OR6J1: variants seen among roughly 807,000 people sequenced by gnomAD.
The protein encoded by OR6J1 is olfactory receptor family 6 subfamily J member 1.
For missense variants in OR6J1, 304 were observed against 166.8 expected (o/e 1.82, Z -4.53); for synonymous variants, 109 against 70.0 (o/e 1.56, Z -2.78).
At chr14:22,642,509 T>C (rs2037660336) in intron 1 of OR6J1, among the ~76,000 whole-genome samples, 1 of 151,290 alleles carries the variant, frequency 6.6e-6, no homozygotes, top group African/African-American at 2.4e-5. Flanking sequence ...CCAGCTAATT[T>C]TTGTATTTGT....
At chr14:22,639,123 C>G (rs2037620985) in intron 1 of OR6J1, among the ~76,000 whole-genome samples, 2 of 89,826 alleles carry the variant, frequency 2.2e-5, no homozygotes, top group African/African-American at 1.6e-4. Context: ...GCCCCTCCGC[C>G]CGGCAGCTGC....
Position 22,637,046 on chromosome 14 carries a change from G to A in OR6J1, c.-27-2208C>T. On this transcript the variant is annotated intron_variant, in intron 1 of 1. Coordinates refer to ENST00000540461, the MANE Select transcript of OR6J1 (RefSeq NM_001348233.2). The stretch of plus-strand genomic sequence containing the variant: ...CCGGCCGCCCATGTCTGAGATGTGG[G>A]GAGCACCTCTGCCCCGCCGCCCTGT... Among the ~76,000 whole-genome samples, 2 of 123,252 alleles carry A rather than the reference G, an allele frequency of 1.6e-5. 1 individual carries two copies. The highest frequency in any genetic ancestry group is 4.1e-4 in the East Asian group (2 of 4,860). The allele number at this position is 123,252 out of a possible 152,430, so 80.9% of individuals were successfully genotyped here.
rs1193824699 is a variant in OR6J1 at position 22,644,310 on chromosome 14, G to C, written c.-240C>G. 1 of 152,230 alleles carries C rather than the reference G, an allele frequency of 6.6e-6. No individual in the cohort carries two copies. The highest frequency in any genetic ancestry group is 1.9e-4 in the East Asian group (1 of 5,208). 9.4% of individuals were successfully genotyped at this position (152,230 alleles called of 1,614,324 possible). A position where few individuals can be genotyped will look rare whatever the true frequency, so the allele number is the denominator to read the frequency against. ...CCTCTTGTCCGACGAGCATGCACTT[G>C]TGTTGTAGACAGCTGGAAGGTACAT... On this transcript the variant is annotated 5_prime_UTR_variant, in exon 1 of 2. Transcript: ENST00000540461.
rs1460274157 is a variant in OR6J1, at chr14:22,632,788, A to T, written c.*980T>A. 1.3e-5 allele frequency: 2 copies of T among 152,266 alleles called. No homozygotes were observed. The highest frequency in any genetic ancestry group is 2.9e-5 in the Non-Finnish European group (2 of 68,068). The allele number at this position is 152,266 out of a possible 1,614,324, so 9.4% of individuals were successfully genotyped here. ...TCAAAATTCTACCAGCTCCAGCCCT[A>T]GGAAGTCATGAGAGAAGAGGGCTCT... On this transcript the variant is annotated 3_prime_UTR_variant, in exon 2 of 2. Coordinates refer to ENST00000540461, the MANE Select transcript of OR6J1 (RefSeq NM_001348233.2).
intron 1 of OR6J1, among the ~76,000 whole-genome samples, chr14:22,640,189 G>A (rs2037632511): frequency 7.4e-6 from 1 of 134,926 alleles, no homozygotes; most frequent in African/African-American, 2.7e-5. Context: ...GGGAGAGGGG[G>A]AGGGAGGGAA....
At position 22,638,580 on chromosome 14, in the gene OR6J1, C is replaced by T. The variant is rs2139295432; in HGVS notation, c.-27-3742G>A. ...CTTTGTTCACTTGTTTATCTGCTGACCTTCCCTCCACTATTGTCCTATGAC... is the reference window on the plus strand; with the variant it reads ...CTTTGTTCACTTGTTTATCTGCTGATCTTCCCTCCACTATTGTCCTATGAC... On this transcript the variant is annotated intron_variant, in intron 1 of 1. Transcript: ENST00000540461. 2.4e-5 allele frequency among the ~76,000 whole-genome samples: 2 copies of T among 83,444 alleles called. 1 individual carries two copies. The highest frequency in any genetic ancestry group is 8.7e-3 in the Middle Eastern group (2 of 230). The allele number at this position is 83,444 out of a possible 152,430, so 54.7% of individuals were successfully genotyped here. A position where few individuals can be genotyped will look rare whatever the true frequency, so the allele number is the denominator to read the frequency against.
intron 1 of OR6J1, among the ~76,000 whole-genome samples, chr14:22,642,488 T>C (rs573493479): frequency 1.3e-5 from 2 of 151,312 alleles, no homozygotes; most frequent in East Asian, 2.0e-4. Flanking sequence ...TACAGGCGTG[T>C]GCCACCATGC....
At chr14:22,637,758 A>G (rs1244562997) in intron 1 of OR6J1, among the ~76,000 whole-genome samples, 1 of 67,180 alleles carries the variant, frequency 1.5e-5, no homozygotes, top group Non-Finnish European at 2.8e-5. Context: ...CCGCCTGGCC[A>G]GCCGCCCCGT....
At chr14:22,643,452 T>G (rs926924929) in intron 1 of OR6J1, among the ~76,000 whole-genome samples, 1 of 151,152 alleles carries the variant, frequency 6.6e-6, no homozygotes, top group Non-Finnish European at 1.5e-5. Context: ...CACACCACCA[T>G]GCCCGGCCAA....
intron 1 of OR6J1, among the ~76,000 whole-genome samples, chr14:22,636,536 GAGTGCCTGCGATTGC>G (rs1385963863): frequency 9.0e-6 from 1 of 111,530 alleles, no homozygotes; most frequent in African/African-American, 5.2e-5. Flanking sequence ...TCAGCCTGCT[GAGTGCCTGCGATTGC>G]AGGCGCACGC....
intron 1 of OR6J1, among the ~76,000 whole-genome samples, chr14:22,638,005 AG>A (rs1208384829): frequency 1.1e-5 from 1 of 88,650 alleles, no homozygotes; most frequent in East Asian, 3.0e-4. Context: ...CTGCCTGGCC[AG>A]CCGCCCCGTC....
At position 22,643,764 on chromosome 14, in the gene OR6J1, C is replaced by CACACACACAGAG. The variant is rs1466950724; in HGVS notation, c.-28+333_-28+334insCTCTGTGTGTGT. ...ACACACACACACACACACACACACACAGAGAGAGAGAGAGAGAGAGAGAGA... is the reference window on the plus strand; with the variant it reads ...ACACACACACACACACACACACACACACACACACAGAGAGAGAGAGAGAGAGAGAGAGAGAGA... On this transcript the variant is annotated intron_variant, in intron 1 of 1. Transcript: ENST00000540461. Among the ~76,000 whole-genome samples, 105 of 37,680 alleles carry CACACACACAGAG rather than the reference C, an allele frequency of 2.8e-3. 2 individuals are homozygous for CACACACACAGAG. The highest frequency in any genetic ancestry group is 3.5e-3 in the Non-Finnish European group (69 of 19,696). The allele number at this position is 37,680 out of a possible 152,430, so 24.7% of individuals were successfully genotyped here.
intron 1 of OR6J1, among the ~76,000 whole-genome samples, chr14:22,638,002 G>C (rs1486919797): frequency 1.1e-4 from 11 of 101,050 alleles, no homozygotes; most frequent in Admixed American, 8.3e-4. Context: ...CCTCTGCCTG[G>C]CCAGCCGCCC....
In OR6J1 at chr14:22,637,845, G is replaced by A. The variant is rs1185146964; in HGVS notation, c.-27-3007C>T. Among the ~76,000 whole-genome samples, 26 of 34,998 alleles carry A rather than the reference G, an allele frequency of 7.4e-4. 6 individuals are homozygous for A. The highest frequency in any genetic ancestry group is 5.8e-3 in the African/African-American group (22 of 3,810). The allele number at this position is 34,998 out of a possible 152,430, so 23.0% of individuals were successfully genotyped here. A position where few individuals can be genotyped will look rare whatever the true frequency, so the allele number is the denominator to read the frequency against. On this transcript the variant is annotated intron_variant, in intron 1 of 1. Transcript: ENST00000540461. ...GCCCCTCTGCCCGGCCAGCCGCCCC[G>A]TCCGGGAGGGAGGCGGGGGGGGTGG...
In OR6J1 at chr14:22,634,079, T is replaced by G. The variant is rs1566393988; in HGVS notation, c.733A>C (p.Thr245Pro). The G allele has an allele frequency of 1.4e-6, 1 of 703,012 alleles. No individual in the cohort carries two copies. Among genetic ancestry groups the G allele is most frequent in the Non-Finnish European group, 2.6e-6 (1 of 384,894 alleles). The allele number at this position is 703,012 out of a possible 1,614,324, so 43.5% of individuals were successfully genotyped here. ...KAFNTCASHLTIVIISSGITV... is the reference protein window; with the variant it reads ...KAFNTCASHLPIVIISSGITV... The stretch of plus-strand genomic sequence containing the variant: ...ATGCCACTAGAAATGATGACTATGG[T>G]CAGGTGGGAAGCACAGGTATTAAAG... Residue 245 changes from threonine to proline, a missense_variant, in exon 2 of 2, where the codon ACC (threonine) becomes CCC (proline). By Grantham distance (38) the Thr-to-Pro change is conservative. Coordinates refer to ENST00000540461, the MANE Select transcript of OR6J1 (RefSeq NM_001348233.2).
intron 1 of OR6J1, among the ~76,000 whole-genome samples, chr14:22,641,681 C>T (rs1017701810): frequency 1.3e-5 from 2 of 151,862 alleles, no homozygotes; most frequent in South Asian, 2.1e-4. Flanking sequence ...GTGGGGCCTG[C>T]GATTGATGAA....
In OR6J1 at chr14:22,638,904, A is replaced by G. The variant is rs1252661196; in HGVS notation, c.-27-4066T>C. On this transcript the variant is annotated intron_variant, in intron 1 of 1. Transcript: ENST00000540461. Reference sequence around the variant, plus strand: ...AGCGCCTCTTCCCAGCCGCCATCACATCTAGGAAGTGAGGAGCGTCTCTGC... The same window carrying G: ...AGCGCCTCTTCCCAGCCGCCATCACGTCTAGGAAGTGAGGAGCGTCTCTGC... Among the ~76,000 whole-genome samples, 3 of 116,790 alleles carry G rather than the reference A, an allele frequency of 2.6e-5. 1 individual carries two copies. Among genetic ancestry groups the G allele is most frequent in the African/African-American group, 4.1e-5 (1 of 24,164 alleles). 76.6% of individuals were successfully genotyped at this position (116,790 alleles called of 152,430 possible). A position where few individuals can be genotyped will look rare whatever the true frequency, so the allele number is the denominator to read the frequency against.
chr14:22,633,582 A>G lies in OR6J1; in HGVS notation c.*186T>C, dbSNP rs2037561568. On this transcript the variant is annotated 3_prime_UTR_variant, in exon 2 of 2. Coordinates refer to ENST00000540461, the MANE Select transcript of OR6J1 (RefSeq NM_001348233.2). ...ATGGGGCTTAGAGATCATCAAGTCCAGCCCTGTTGCACTTCAGCTGAGAGT... is the reference window on the plus strand; with the variant it reads ...ATGGGGCTTAGAGATCATCAAGTCCGGCCCTGTTGCACTTCAGCTGAGAGT... 1 of 577,796 alleles carries G rather than the reference A, an allele frequency of 1.7e-6. No individual in the cohort carries two copies. The highest frequency in any genetic ancestry group is 3.1e-6 in the Non-Finnish European group (1 of 327,488). The allele number at this position is 577,796 out of a possible 1,614,324, so 35.8% of individuals were successfully genotyped here.
At chr14:22,639,154 C>T (rs1304480148) in intron 1 of OR6J1, among the ~76,000 whole-genome samples, 1 of 103,556 alleles carries the variant, frequency 9.7e-6, no homozygotes, top group Non-Finnish European at 1.9e-5. Flanking sequence ...AAGTGAGGAG[C>T]CTCTCCGCCC....
Sources: gnomAD v4.1 joint callset for allele counts (sites outside exome capture counted in the v4.1 genomes callset) on GRCh38, gnomAD v4.1.1 for gene constraint, MANE v1.5 for transcripts, NCBI Gene and HGNC (gene_info 2026-07-23, HGNC 2026-07-21) for gene names.